DSCAML1: variants seen among roughly 807,000 people sequenced by gnomAD.
The protein encoded by DSCAML1 is cell adhesion molecule DSCAML1.
DSCAML1 carries 38 observed loss-of-function variants against 200.5 expected under a neutral mutation model. That is an observed-to-expected ratio of 0.19 (90% confidence interval 0.15 to 0.25). DSCAML1 has a LOEUF of 0.25. DSCAML1 is among the 10% of genes least tolerant of loss of function. The pLI is 1.00. For missense variants in DSCAML1, 2,223 were observed against 2,858.8 expected (o/e 0.78, Z 5.07); for synonymous variants, 1,215 against 1,165.0 (o/e 1.04, Z -0.87).
intron 3 of DSCAML1, among the ~76,000 whole-genome samples, chr11:117,657,427 T>G (rs754509147): frequency 4.6e-5 from 7 of 152,226 alleles, no homozygotes; most frequent in Non-Finnish European, 8.8e-5. Flanking sequence ...GAATGTGGCT[T>G]GCTTCAAAAT....
intron 3 of DSCAML1, among the ~76,000 whole-genome samples, chr11:117,714,320 A>G (rs4936396): frequency 0.95 from 144,893 of 152,050 alleles, 69,212 homozygotes; most frequent in South Asian, 0.99. Flanking sequence ...AAAGGAACCC[A>G]TCACCAAATA....
At chr11:117,531,629 A>G (rs995384710) in intron 4 of DSCAML1, among the ~76,000 whole-genome samples, 1 of 152,156 alleles carries the variant, frequency 6.6e-6, no homozygotes, top group East Asian at 1.9e-4. Flanking sequence ...CATACCTGCA[A>G]TCCCAGCACT....
At chr11:117,587,514 C>T (rs964732732) in intron 3 of DSCAML1, among the ~76,000 whole-genome samples, 2 of 152,142 alleles carry the variant, frequency 1.3e-5, no homozygotes, top group African/African-American at 2.4e-5. Flanking sequence ...TCCCTCTCCC[C>T]TATCTCCTCT....
chr11:117,467,193 A>ACCCCCCCCCCCCCCCCCC (rs757481843), intron 16 of DSCAML1, among the ~76,000 whole-genome samples: 11 of 109,520 alleles, frequency 1.0e-4, no homozygotes, highest in African/African-American at 2.2e-4. Context: ...GTGCACACAC[A>ACCCCCCCCCCCCCCCCCC]CCTCCCCCCT....
chr11:117,499,248 C>T (rs2049351643), intron 11 of DSCAML1, among the ~76,000 whole-genome samples: 1 of 152,176 alleles, frequency 6.6e-6, no homozygotes, highest in South Asian at 2.1e-4. Context: ...AAAGGCAGCT[C>T]TGTGGACGTG....
intron 3 of DSCAML1, among the ~76,000 whole-genome samples, chr11:117,545,889 G>C (rs1345273056): frequency 6.6e-6 from 1 of 152,236 alleles, no homozygotes; most frequent in African/African-American, 2.4e-5. Context: ...TGGTCAGAGC[G>C]CAGATGTCAA....
chr11:117,771,563 CCCT>C (rs1235009676), intron 3 of DSCAML1, among the ~76,000 whole-genome samples: 1 of 152,164 alleles, frequency 6.6e-6, no homozygotes, highest in Non-Finnish European at 1.5e-5. Flanking sequence ...CAGAGATGGG[CCCT>C]CCTCCTATGT....
intron 3 of DSCAML1, among the ~76,000 whole-genome samples, chr11:117,606,752 G>T (rs780588602): frequency 1.3e-5 from 2 of 152,144 alleles, no homozygotes; most frequent in Non-Finnish European, 2.9e-5. Flanking sequence ...CTGTTGCACC[G>T]CAAATCTTGC....
chr11:117,477,380 G>GTA (rs377667165), intron 14 of DSCAML1, among the ~76,000 whole-genome samples: 1 of 139,334 alleles, frequency 7.2e-6, no homozygotes, highest in South Asian at 2.2e-4. Context: ...GTGTGTGTGT[G>GTA]TGTGTGTGTG....
chr11:117,663,440 T>TG (rs2052905082), intron 3 of DSCAML1, among the ~76,000 whole-genome samples: 1 of 152,084 alleles, frequency 6.6e-6, no homozygotes, highest in Admixed American at 6.5e-5. Context: ...AGCATCCCTC[T>TG]GGGAGCTCTT....
At position 117,662,410 on chromosome 11, in the gene DSCAML1, C is replaced by T. The variant is rs117470282; in HGVS notation, c.511+114381G>A. ...TGTATGAGAGGGAGCACAATTGGCC[C>T]AAATGCCCGGAGGCAGAATCAGGAC... On this transcript the variant is annotated intron_variant, in intron 3 of 32. Transcript: ENST00000651296. 6.3e-3 allele frequency among the ~76,000 whole-genome samples: 963 copies of T among 152,344 alleles called. 5 individuals are homozygous for T. Among genetic ancestry groups the T allele is most frequent in the Non-Finnish European group, 0.011 (781 of 68,028 alleles).
chr11:117,505,440 C>T lies in DSCAML1; in HGVS notation c.2062+14G>A. 1 of 1,604,994 alleles carries T rather than the reference C, an allele frequency of 6.2e-7. No individual in the cohort carries two copies. The highest frequency in any genetic ancestry group is 8.5e-7 in the Non-Finnish European group (1 of 1,178,104). On this transcript the variant is annotated intron_variant, in intron 9 of 32. Transcript: ENST00000651296. The surrounding 1 kb of genome is among the most constrained non-coding windows in gnomAD (Gnocchi z 6.7). ...GGCTCCTCCCTCCCCTGAGGCTGGC[C>T]TGTCCCTGCTCACCACGCACGATGA...
intron 30 of DSCAML1, among the ~76,000 whole-genome samples, 195 bp downstream of exon 30, chr11:117,432,153 AAGTT>A (rs1329701159): frequency 6.6e-6 from 1 of 152,142 alleles, no homozygotes; most frequent in Non-Finnish European, 1.5e-5. Flanking sequence ...CAGAGAGATA[AAGTT>A]AGTGATACGC....
At chr11:117,482,650 G>T (rs1228262455) in intron 11 of DSCAML1, among the ~76,000 whole-genome samples, 1 of 120,362 alleles carries the variant, frequency 8.3e-6, no homozygotes, top group African/African-American at 2.9e-5. Flanking sequence ...TGCAATCACT[G>T]TGATGTGATG....
rs1592675506 is a variant in DSCAML1, at chr11:117,505,341, T to C, written c.2062+113A>G. On this transcript the variant is annotated intron_variant, in intron 9 of 32. Transcript: ENST00000651296. The surrounding 1 kb of genome is among the most constrained non-coding windows in gnomAD (Gnocchi z 6.7). ...TTAGGCTCCAACAGGCCCTTCAAGATGCTGGAGCCCACCTTCCATGAGCCC... is the reference window on the plus strand; with the variant it reads ...TTAGGCTCCAACAGGCCCTTCAAGACGCTGGAGCCCACCTTCCATGAGCCC... The C allele has an allele frequency of 7.0e-7, 1 of 1,424,260 alleles. No homozygotes were observed. Among genetic ancestry groups the C allele is most frequent in the Non-Finnish European group, 9.4e-7 (1 of 1,058,338 alleles). The allele number at this position is 1,424,260 out of a possible 1,614,324, so 88.2% of individuals were successfully genotyped here. A position where few individuals can be genotyped will look rare whatever the true frequency, so the allele number is the denominator to read the frequency against.
intron 1 of DSCAML1, among the ~76,000 whole-genome samples, chr11:117,781,096 T>G (rs1009581336): frequency 6.6e-6 from 1 of 152,014 alleles, no homozygotes; most frequent in Non-Finnish European, 1.5e-5. Context: ...CAGGAGTTCA[T>G]GAACAGCCTG....
intron 5 of DSCAML1, among the ~76,000 whole-genome samples, chr11:117,522,812 G>A (rs986679141): frequency 6.6e-6 from 1 of 152,158 alleles, no homozygotes; most frequent in Non-Finnish European, 1.5e-5. Flanking sequence ...AGGGGGTATG[G>A]AAAGCATTGC....
chr11:117,628,494 C>G lies in DSCAML1; in HGVS notation c.512-95972G>C, dbSNP rs570299473. On this transcript the variant is annotated intron_variant, in intron 3 of 32. Transcript: ENST00000651296. ...TTACTAAACCCCAAATCTAGAATCT[C>G]AAAAGTGACTTCCAGCCCAGTCAAT... Among the ~76,000 whole-genome samples the G allele has an allele frequency of 2.6e-5, 4 of 152,318 alleles. No individual in the cohort carries two copies. In the East Asian group the frequency reaches 7.7e-4, roughly 29 times the overall value.
chr11:117,464,387 C>G (rs2048538365), intron 17 of DSCAML1, among the ~76,000 whole-genome samples: 1 of 152,136 alleles, frequency 6.6e-6, no homozygotes. Flanking sequence ...CCTCCTAACC[C>G]TCTCCTCCTG....
Sources: allele counts gnomAD v4.1 joint callset (sites outside exome capture counted in the v4.1 genomes callset), GRCh38; gene constraint gnomAD v4.1.1; non-coding constraint Gnocchi (gnomAD v3.1); transcripts MANE v1.5; gene names NCBI Gene and HGNC (gene_info 2026-07-23, HGNC 2026-07-21).